CDH18: variants seen among roughly 807,000 people sequenced by gnomAD.
CDH18 encodes the protein cadherin-18.
CDH18 carries 31 observed loss-of-function variants against 67.9 expected under a neutral mutation model. The ratio of observed to expected loss-of-function variants is 0.46; its 90% confidence interval spans 0.34 to 0.62. The LOEUF (loss-of-function observed/expected upper bound fraction) is 0.62, where lower values mean the gene tolerates loss of function less well. CDH18 is among the 20% of genes least tolerant of loss of function. The pLI, the probability that CDH18 is intolerant of heterozygous loss-of-function variation, is 0.01. For missense variants in CDH18, 890 were observed against 975.5 expected, an observed-to-expected ratio of 0.91 and a Z score of 1.17; for synonymous variants, 362 against 347.2, an observed-to-expected ratio of 1.04 and a Z score of -0.48.
intron 1 of CDH18, among the ~76,000 whole-genome samples, chr5:20,459,495 T>A (rs12514009): frequency 0.49 from 74,180 of 152,014 alleles, 18,469 homozygotes; most frequent in Non-Finnish European, 0.52. Flanking sequence ...GAATTCACTG[T>A]ACATGTTTCT....
intron 6 of CDH18, among the ~76,000 whole-genome samples, chr5:19,602,631 G>C (rs1227879407): frequency 1.3e-5 from 2 of 152,042 alleles, no homozygotes; most frequent in Non-Finnish European, 2.9e-5. Context: ...GCAGTGAAAT[G>C]GTATAGCCAT....
intron 1 of CDH18, among the ~76,000 whole-genome samples, chr5:20,291,766 G>A (rs547780341): frequency 6.6e-6 from 1 of 152,122 alleles, no homozygotes; most frequent in Non-Finnish European, 1.5e-5. Context: ...TATAATTAAA[G>A]GTTTAAATAT....
At chr5:20,018,300 C>A (rs924810620) in intron 2 of CDH18, among the ~76,000 whole-genome samples, 1 of 152,016 alleles carries the variant, frequency 6.6e-6, no homozygotes, top group Non-Finnish European at 1.5e-5. Context: ...AAGTAGAGTT[C>A]GGAATGTCTA....
intron 5 of CDH18, among the ~76,000 whole-genome samples, chr5:19,648,224 G>A: frequency 6.6e-6 from 1 of 150,382 alleles, no homozygotes; most frequent in East Asian, 2.0e-4. Flanking sequence ...AGACCAGCCT[G>A]GCCAACATGT....
At chr5:19,592,171 T>C (rs1311701502) in intron 6 of CDH18, among the ~76,000 whole-genome samples, 1 of 151,968 alleles carries the variant, frequency 6.6e-6, no homozygotes, top group Non-Finnish European at 1.5e-5. Context: ...TGTACACAAG[T>C]AGCTCATTAG....
intron 1 of CDH18, among the ~76,000 whole-genome samples, chr5:20,275,675 G>A (rs371198077): frequency 1.3e-5 from 2 of 152,194 alleles, no homozygotes; most frequent in East Asian, 3.9e-4. Flanking sequence ...TAACCTCCCT[G>A]GAGGAATAGC....
chr5:20,395,188 C>T (rs141898368), intron 1 of CDH18, among the ~76,000 whole-genome samples: 78 of 152,276 alleles, frequency 5.1e-4, no homozygotes, highest in Non-Finnish European at 9.4e-4. Context: ...ATGCAACCAA[C>T]GTAAGTGGCC....
rs541380714 is a variant in CDH18 at position 20,055,603 on chromosome 5, G to A, written c.-517-63589C>T. On this transcript the variant is annotated intron_variant, in intron 2 of 14. Transcript: ENST00000507958. Reference sequence around the variant, plus strand: ...GGCTAAGTGTGCATTTATAAAGTAAGGAAACAAACTAACCCAACAACTGGC... The same window carrying A: ...GGCTAAGTGTGCATTTATAAAGTAAAGAAACAAACTAACCCAACAACTGGC... Among the ~76,000 whole-genome samples the A allele has an allele frequency of 3.1e-3, 470 of 152,220 alleles. 4 individuals carry two copies. The highest frequency in any genetic ancestry group is 0.011 in the African/African-American group (455 of 41,542).
chr5:19,841,941 A>C (rs937036396), intron 2 of CDH18, among the ~76,000 whole-genome samples: 7 of 152,234 alleles, frequency 4.6e-5, no homozygotes, highest in Non-Finnish European at 8.8e-5. Context: ...AACAAATGTA[A>C]ACATCACTAC....
At chr5:20,571,826 A>G (rs1758837593) in intron 1 of CDH18, among the ~76,000 whole-genome samples, 1 of 152,076 alleles carries the variant, frequency 6.6e-6, no homozygotes, top group Non-Finnish European at 1.5e-5. Flanking sequence ...TGTCACTCAC[A>G]TTGTGTATGT....
intron 2 of CDH18, among the ~76,000 whole-genome samples, chr5:20,110,606 C>A (rs910037759): frequency 2.0e-5 from 3 of 152,078 alleles, no homozygotes; most frequent in Non-Finnish European, 4.4e-5. Context: ...ATTGCTTGAA[C>A]CTGGGAGGCA....
At chr5:19,613,704 G>T (rs183153798) in intron 5 of CDH18, among the ~76,000 whole-genome samples, 2 of 152,128 alleles carry the variant, frequency 1.3e-5, no homozygotes, top group Middle Eastern at 3.4e-3. Flanking sequence ...AGAGTCTTAC[G>T]TTTTAAAGTT....
intron 1 of CDH18, among the ~76,000 whole-genome samples, chr5:20,337,992 A>G (rs1739928842): frequency 6.6e-6 from 1 of 152,224 alleles, no homozygotes; most frequent in African/African-American, 2.4e-5. Flanking sequence ...GTGCTTGTGC[A>G]GGGAAACTTC....
intron 2 of CDH18, among the ~76,000 whole-genome samples, chr5:19,889,609 AT>A (rs1372271223): frequency 2.0e-5 from 3 of 152,138 alleles, no homozygotes; most frequent in Admixed American, 6.6e-5. Flanking sequence ...AAATGAAAAT[AT>A]TGTAAAGGAT....
intron 2 of CDH18, among the ~76,000 whole-genome samples, chr5:20,041,159 G>C (rs1352798318): frequency 1.3e-5 from 2 of 152,118 alleles, no homozygotes; most frequent in Non-Finnish European, 2.9e-5. Context: ...CTTTACTGTA[G>C]AAAGCTTATA....
chr5:19,913,850 G>A (rs972014181), intron 2 of CDH18, among the ~76,000 whole-genome samples: 3 of 152,082 alleles, frequency 2.0e-5, no homozygotes, highest in African/African-American at 7.2e-5. Context: ...CTAGGAAGGT[G>A]CAGATTTAGG....
At chr5:19,862,092 A>G (rs1309507782) in intron 2 of CDH18, among the ~76,000 whole-genome samples, 1 of 152,318 alleles carries the variant, frequency 6.6e-6, no homozygotes, top group Non-Finnish European at 1.5e-5. Context: ...GGGTAGCCCA[A>G]CAGAGCAATG....
intron 2 of CDH18, among the ~76,000 whole-genome samples, chr5:20,202,300 G>A (rs1423459865): frequency 6.6e-6 from 1 of 152,054 alleles, no homozygotes; most frequent in Non-Finnish European, 1.5e-5. Context: ...AGAACTATTA[G>A]TTTCTTTTGT....
intron 2 of CDH18, among the ~76,000 whole-genome samples, chr5:20,179,841 T>A (rs559233853): frequency 6.6e-6 from 1 of 152,258 alleles, no homozygotes; most frequent in African/African-American, 2.4e-5. Context: ...TCTCCATTTC[T>A]CTTTGATTGA....
Sources: gnomAD v4.1 joint callset for allele counts (sites outside exome capture counted in the v4.1 genomes callset) on GRCh38, gnomAD v4.1.1 for gene constraint, MANE v1.5 for transcripts, NCBI Gene and HGNC (gene_info 2026-07-23, HGNC 2026-07-21) for gene names.